KCNG3: variants seen among roughly 807,000 people sequenced by gnomAD.
The protein encoded by KCNG3 is voltage-gated potassium channel regulatory subunit KCNG3.
KCNG3 carries 15 observed loss-of-function variants against 29.0 expected under a neutral mutation model. The ratio of observed to expected loss-of-function variants is 0.52; its 90% CI spans 0.35 to 0.80. The LOEUF is 0.80. Ranked by LOEUF, KCNG3 falls within the 30% of genes least tolerant of loss-of-function variation. The probability of loss-of-function intolerance (pLI) is 0.01; values close to 1 mark genes in which losing one functional copy is unlikely to be tolerated. For synonymous variants in KCNG3, 322 were observed against 248.9 expected, an observed-to-expected ratio of 1.29 and a Z score of -2.76; for missense variants, 512 against 605.7, an observed-to-expected ratio of 0.85 and a Z score of 1.62.
At chr2:42,434,595 GAC>G in the KCNG3 span, among the ~76,000 whole-genome samples, 2 of 140,128 alleles carry the variant, frequency 1.4e-5, no homozygotes, top group Non-Finnish European at 3.0e-5. Flanking sequence ...GAACCCGGGA[GAC>G]AGAGGTTGCA....
At chr2:42,412,207 G>A in the KCNG3 span, among the ~76,000 whole-genome samples, 57 of 152,252 alleles carry the variant, frequency 3.7e-4, no homozygotes, top group East Asian at 8.7e-3. Flanking sequence ...TTACTCCCAC[G>A]ACAGTCCTCA....
At chr2:42,446,243 C>A (rs1399402696) in intron 1 of KCNG3, among the ~76,000 whole-genome samples, 1 of 152,082 alleles carries the variant, frequency 6.6e-6, no homozygotes, top group African/African-American at 2.4e-5. Flanking sequence ...GTGGCACAAT[C>A]TCGGCTCACT....
At chr2:42,457,624 A>ATCTC (rs1056379498) in intron 1 of KCNG3, among the ~76,000 whole-genome samples, 2 of 51,632 alleles carry the variant, frequency 3.9e-5, no homozygotes, top group African/African-American at 1.3e-4. Flanking sequence ...AGGCAGGCAG[A>ATCTC]TCTCACACAC....
the KCNG3 span, among the ~76,000 whole-genome samples, chr2:42,420,012 C>G: frequency 6.6e-6 from 1 of 152,040 alleles, no homozygotes; most frequent in South Asian, 2.1e-4. Flanking sequence ...CACCTGAGGT[C>G]AGGAGCTCGA....
chr2:42,461,192 A>C (rs865977375), intron 1 of KCNG3, among the ~76,000 whole-genome samples: 53 of 148,600 alleles, frequency 3.6e-4, no homozygotes, highest in Admixed American at 6.0e-4. Flanking sequence ...CAAAAAAAAA[A>C]AAAAAAAAAA....
intron 1 of KCNG3, among the ~76,000 whole-genome samples, chr2:42,453,692 T>G (rs1293457840): frequency 6.6e-6 from 1 of 152,188 alleles, no homozygotes; most frequent in African/African-American, 2.4e-5. Context: ...TCCTTTGCTG[T>G]GCAGAAGCTT....
At chr2:42,403,801 A>G in the KCNG3 span, among the ~76,000 whole-genome samples, 8 of 151,424 alleles carry the variant, frequency 5.3e-5, no homozygotes, top group Admixed American at 6.6e-5. Context: ...AGGTCTCACT[A>G]TATTGCCCAG....
the KCNG3 span, among the ~76,000 whole-genome samples, chr2:42,406,487 G>A: frequency 2.7e-5 from 4 of 150,890 alleles, no homozygotes; most frequent in Admixed American, 6.6e-5. Flanking sequence ...CCAAAGTGCT[G>A]GGATTACAGG....
chr2:42,427,471 T>C, the KCNG3 span, among the ~76,000 whole-genome samples: 1 of 152,030 alleles, frequency 6.6e-6, no homozygotes, highest in Non-Finnish European at 1.5e-5. Flanking sequence ...CTGGGTGTCA[T>C]GGCATGTGCC....
intron 1 of KCNG3, among the ~76,000 whole-genome samples, chr2:42,488,703 C>A (rs185278012): frequency 7.9e-5 from 12 of 152,174 alleles, no homozygotes; most frequent in Non-Finnish European, 1.5e-4. Flanking sequence ...TCACCCACCA[C>A]CACGCTCAGC....
At chr2:42,392,461 T>C in the KCNG3 span, among the ~76,000 whole-genome samples, 1 of 152,064 alleles carries the variant, frequency 6.6e-6, no homozygotes, top group African/African-American at 2.4e-5. Context: ...AACACTGTGG[T>C]GGTAGCAGAT....
chr2:42,401,472 T>G, the KCNG3 span, among the ~76,000 whole-genome samples: 1 of 151,820 alleles, frequency 6.6e-6, no homozygotes, highest in African/African-American at 2.4e-5. Flanking sequence ...GACAGGTTCT[T>G]GCTCTGTCTC....
chr2:42,427,956 A>C, the KCNG3 span, among the ~76,000 whole-genome samples: 1 of 152,144 alleles, frequency 6.6e-6, no homozygotes, highest in Non-Finnish European at 1.5e-5. Context: ...TAAAAGCAAA[A>C]AATAATTAAC....
the KCNG3 span, among the ~76,000 whole-genome samples, chr2:42,416,809 C>A: frequency 1.3e-5 from 2 of 149,776 alleles, no homozygotes; most frequent in South Asian, 2.1e-4. Flanking sequence ...CAGAGTGAGT[C>A]CCCTGTCTCA....
chr2:42,409,573 G>A, the KCNG3 span, among the ~76,000 whole-genome samples: 1 of 151,250 alleles, frequency 6.6e-6, no homozygotes, highest in Non-Finnish European at 1.5e-5. Context: ...GCATGGTGGT[G>A]TGCACCTGTA....
Position 42,492,990 on chromosome 2 carries a change from T to C in KCNG3, c.512A>G (p.Gln171Arg). The part of the protein sequence containing the change: ...FEEPTSSLAA[Q>R]ILASVSVVFV... Reference sequence around the variant, plus strand: ...CACCACCGACACGCTAGCCAGGATCTGCGCGGCCAGCGACGACGTGGGCTC... The same window carrying C: ...CACCACCGACACGCTAGCCAGGATCCGCGCGGCCAGCGACGACGTGGGCTC... The change falls in exon 1 of 2, where the codon CAG becomes CGG. Residue 171 changes from glutamine to arginine, a missense_variant. Physicochemically the swap from Gln to Arg is conservative, Grantham distance 43. This residue lies in a region of KCNG3 where 228 missense variants were observed against 200.0 expected (regional missense o/e 1.14). Coordinates refer to ENST00000306078, the MANE Select transcript of KCNG3 (RefSeq NM_133329.6). 1.9e-6 allele frequency: 3 copies of C among 1,540,348 alleles called. No individual in the cohort carries two copies. The highest frequency in any genetic ancestry group is 1.7e-6 in the Non-Finnish European group (2 of 1,147,052).
At chr2:42,487,195 T>A (rs1401423628) in intron 1 of KCNG3, among the ~76,000 whole-genome samples, 1 of 151,346 alleles carries the variant, frequency 6.6e-6, no homozygotes, top group Non-Finnish European at 1.5e-5. Context: ...TTTTTTTTAA[T>A]CATTATGCAT....
In KCNG3 at chr2:42,493,535, C is replaced by T; in HGVS notation, c.-34G>A. 1 of 1,336,534 alleles carries T rather than the reference C, an allele frequency of 7.5e-7. No individual in the cohort carries two copies. Among genetic ancestry groups the T allele is most frequent in the South Asian group, 2.0e-5 (1 of 48,834 alleles). 82.8% of individuals were successfully genotyped at this position (1,336,534 alleles called of 1,614,324 possible). A position where few individuals can be genotyped will look rare whatever the true frequency, so the allele number is the denominator to read the frequency against. On this transcript the variant is annotated 5_prime_UTR_variant, in exon 1 of 2. Coordinates refer to ENST00000306078, the MANE Select transcript of KCNG3 (RefSeq NM_133329.6). The stretch of plus-strand genomic sequence containing the variant: ...GCCCGGGGGACTTTCGGCCCGAGGG[C>T]CCCGCTGCAGCCCCCCACCCCAAGC...
At chr2:42,477,384 T>TACACAC (rs1210187032) in intron 1 of KCNG3, among the ~76,000 whole-genome samples, 9,579 of 101,684 alleles carry the variant, frequency 0.094, 588 homozygotes, top group Admixed American at 0.13. Context: ...CACACACATA[T>TACACAC]ATATACACAC....
Sources: gnomAD v4.1 joint callset for allele counts (sites outside exome capture counted in the v4.1 genomes callset) on GRCh38, gnomAD v4.1.1 for gene constraint, gnomAD v4.1.1 regional missense constraint, MANE v1.5 for transcripts, NCBI Gene and HGNC (gene_info 2026-07-23, HGNC 2026-07-21) for gene names.